Variants in ESRRG observed in about 807,000 individuals in gnomAD.
The protein encoded by ESRRG is estrogen-related receptor gamma.
In ESRRG, 13 loss-of-function variants were observed where a neutral mutation model predicts 44.0. The ratio of observed to expected loss-of-function variants is 0.30; its 90% CI spans 0.19 to 0.47. The LOEUF (loss-of-function observed/expected upper bound fraction) is 0.47. Ranked by LOEUF, ESRRG falls within the 20% of genes least tolerant of loss-of-function variation. ESRRG has a pLI of 1.00. For synonymous variants in ESRRG, 215 were observed against 214.6 expected, an observed-to-expected ratio of 1.00 and a Z score of -0.02; for missense variants, 395 against 580.6, an observed-to-expected ratio of 0.68 and a Z score of 3.29.
intron 1 of ESRRG, among the ~76,000 whole-genome samples, chr1:217,117,891 T>C (rs778042951): frequency 3.0e-4 from 46 of 152,298 alleles, no homozygotes; most frequent in South Asian, 1.0e-3. Context: ...GTCAAGCAGA[T>C]GATGTGTATT....
intron 2 of ESRRG, among the ~76,000 whole-genome samples, chr1:216,840,011 C>T (rs551101583): frequency 1.6e-4 from 24 of 152,124 alleles, no homozygotes; most frequent in Non-Finnish European, 3.2e-4. Flanking sequence ...TCAACAGCTG[C>T]AGTAGACTCT....
upstream of ESRRG, among the ~76,000 whole-genome samples, chr1:216,727,910 A>G (rs187502897): frequency 1.5e-3 from 231 of 152,112 alleles, no homozygotes; most frequent in African/African-American, 5.4e-3. Flanking sequence ...GGAAAAAAAA[A>G]GAATCAGAGA....
chr1:217,061,543 T>A (rs1169341338), intron 1 of ESRRG, among the ~76,000 whole-genome samples: 3 of 152,020 alleles, frequency 2.0e-5, no homozygotes, highest in Non-Finnish European at 2.9e-5. Context: ...AAGCCCAAAT[T>A]CACAGAGGTT....
chr1:216,554,477 A>G (rs2057110243), intron 5 of ESRRG, among the ~76,000 whole-genome samples: 1 of 151,574 alleles, frequency 6.6e-6, no homozygotes, highest in Non-Finnish European at 1.5e-5. Flanking sequence ...AAACCAAAGA[A>G]AAACTCATTT....
At chr1:216,653,091 C>T (rs1341538864) in intron 2 of ESRRG, among the ~76,000 whole-genome samples, 2 of 152,314 alleles carry the variant, frequency 1.3e-5, no homozygotes, top group South Asian at 4.1e-4. Flanking sequence ...TCCTACGCAC[C>T]TTTAACCCAG....
intron 1 of ESRRG, among the ~76,000 whole-genome samples, chr1:217,000,004 A>G (rs929313059): frequency 2.0e-5 from 3 of 152,240 alleles, no homozygotes; most frequent in Non-Finnish European, 4.4e-5. Context: ...GTTAATTAAT[A>G]AGCATTCCAT....
intron 1 of ESRRG, among the ~76,000 whole-genome samples, chr1:216,963,754 T>C (rs2069648731): frequency 6.6e-6 from 1 of 152,138 alleles, no homozygotes; most frequent in Non-Finnish European, 1.5e-5. Context: ...GCCAACTTTG[T>C]GCAGGGCTCT....
intron 2 of ESRRG, among the ~76,000 whole-genome samples, chr1:216,929,997 C>T (rs928090142): frequency 6.6e-6 from 1 of 152,112 alleles, no homozygotes; most frequent in South Asian, 2.1e-4. Context: ...TTATTAGTCA[C>T]CACCTGATTT....
chr1:216,841,854 A>G (rs2095658809), intron 2 of ESRRG, among the ~76,000 whole-genome samples: 2 of 152,210 alleles, frequency 1.3e-5, no homozygotes, highest in Admixed American at 1.3e-4. Context: ...AAAGAAAGAA[A>G]AAACAAGAAG....
chr1:216,713,655 G>A (rs1180940736), intron 1 of ESRRG, among the ~76,000 whole-genome samples: 1 of 152,194 alleles, frequency 6.6e-6, no homozygotes, highest in Non-Finnish European at 1.5e-5. Flanking sequence ...AGAAGCTGCT[G>A]TTGATGCTGA....
intron 2 of ESRRG, among the ~76,000 whole-genome samples, chr1:216,917,078 A>C (rs934025394): frequency 2.7e-5 from 4 of 150,460 alleles, no homozygotes; most frequent in African/African-American, 9.8e-5. Flanking sequence ...CCTCCCCTAG[A>C]ATCTCAGGGT....
intron 2 of ESRRG, among the ~76,000 whole-genome samples, chr1:216,746,984 T>C (rs1370397752): frequency 6.6e-6 from 1 of 152,206 alleles, no homozygotes; most frequent in African/African-American, 2.4e-5. Context: ...TAATTATCAG[T>C]ATGACTTAGC....
chr1:216,599,197 A>T (rs994535203), intron 3 of ESRRG, among the ~76,000 whole-genome samples: 4 of 152,142 alleles, frequency 2.6e-5, no homozygotes, highest in African/African-American at 9.7e-5. Context: ...ACAATTAAAG[A>T]TCTTGAAAAT....
chr1:216,675,553 G>A (rs989545868), intron 2 of ESRRG, among the ~76,000 whole-genome samples: 4 of 152,186 alleles, frequency 2.6e-5, no homozygotes, highest in Admixed American at 2.6e-4. Flanking sequence ...TGTCCAGCAA[G>A]GGGCCATTAG....
chr1:216,608,742 T>C (rs1398879413), intron 3 of ESRRG, among the ~76,000 whole-genome samples: 6 of 152,172 alleles, frequency 3.9e-5, no homozygotes, highest in African/African-American at 1.4e-4. Context: ...TTCTTGGGGA[T>C]CTAAGCTCAT....
At chr1:217,106,154 T>C (rs2092592648) in intron 1 of ESRRG, among the ~76,000 whole-genome samples, 1 of 152,226 alleles carries the variant, frequency 6.6e-6, no homozygotes, top group Admixed American at 6.5e-5. Flanking sequence ...TGTCTTTAAA[T>C]GCAGTAGTCT....
At chr1:216,629,606 C>A (rs1182325351) in intron 3 of ESRRG, among the ~76,000 whole-genome samples, 1 of 151,902 alleles carries the variant, frequency 6.6e-6, no homozygotes, top group Non-Finnish European at 1.5e-5. Context: ...GTAGATGCTG[C>A]AATACACCAA....
intron 1 of ESRRG, among the ~76,000 whole-genome samples, chr1:217,017,710 T>C (rs2079627100): frequency 6.6e-6 from 1 of 152,122 alleles, no homozygotes; most frequent in Non-Finnish European, 1.5e-5. Flanking sequence ...GCCATAGGAT[T>C]TCTGGAAAAA....
chr1:216,924,110 G>A (rs1465851844), intron 2 of ESRRG, among the ~76,000 whole-genome samples: 2 of 152,144 alleles, frequency 1.3e-5, no homozygotes, highest in Non-Finnish European at 2.9e-5. Flanking sequence ...CAGAAATGAA[G>A]GGCAGGGGGA....
Sources: allele counts gnomAD v4.1 joint callset (sites outside exome capture counted in the v4.1 genomes callset), GRCh38; gene constraint gnomAD v4.1.1; transcripts MANE v1.5; gene names NCBI Gene and HGNC (gene_info 2026-07-23, HGNC 2026-07-21).